The following BRAF variants were observed in gnomAD, a reference collection of about 807,000 sequenced individuals.
BRAF encodes the protein serine/threonine-protein kinase B-raf.
In BRAF, 16 loss-of-function variants were observed where a neutral mutation model predicts 104.6. The ratio of observed to expected loss-of-function variants is 0.15; its 90% CI spans 0.10 to 0.23. BRAF has a LOEUF of 0.23. Among genes scored for constraint, BRAF ranks in the 10% least tolerant of loss-of-function variants. The pLI is 1.00. For missense variants in BRAF, 541 were observed against 937.3 expected (o/e 0.58, Z 5.52); for synonymous variants, 310 against 341.6 (o/e 0.91, Z 1.02).
At chr7:140,791,444 A>C (rs1050399459) in intron 8 of BRAF, among the ~76,000 whole-genome samples, 6 of 152,158 alleles carry the variant, frequency 3.9e-5, no homozygotes, top group Non-Finnish European at 7.4e-5. Context: ...GGCTAGACTT[A>C]GGAAGAGCCA....
chr7:140,791,009 G>A (rs1276728088), intron 8 of BRAF, among the ~76,000 whole-genome samples: 1 of 152,154 alleles, frequency 6.6e-6, no homozygotes, highest in African/African-American at 2.4e-5. Context: ...GCTGAGGCAG[G>A]AGAATTGCTT....
At chr7:140,738,132 T>TA (rs1216103102) in intron 18 of BRAF, among the ~76,000 whole-genome samples, 2 of 151,982 alleles carry the variant, frequency 1.3e-5, no homozygotes, top group East Asian at 3.9e-4. Flanking sequence ...GAGAAACAAA[T>TA]AAAAAAATAA....
chr7:140,849,930 T>C (rs1808978489), intron 2 of BRAF, among the ~76,000 whole-genome samples, 181 bp downstream of exon 2: 1 of 152,114 alleles, frequency 6.6e-6, no homozygotes, highest in African/African-American at 2.4e-5. Flanking sequence ...AAATACATGT[T>C]TATTTTAACA....
chr7:140,715,537 A>G (rs145105615), downstream of BRAF, among the ~76,000 whole-genome samples: 12 of 152,310 alleles, frequency 7.9e-5, no homozygotes, highest in East Asian at 2.3e-3. Flanking sequence ...CATTAGCCCC[A>G]TTCCTTAGAA....
intron 14 of BRAF, among the ~76,000 whole-genome samples, chr7:140,774,119 G>C (rs958985050): frequency 1.1e-4 from 17 of 152,144 alleles, no homozygotes; most frequent in African/African-American, 4.1e-4. Flanking sequence ...AAAGAGAAAA[G>C]AAACTATATC....
chr7:140,893,661 G>A (rs1034253126), intron 1 of BRAF, among the ~76,000 whole-genome samples: 2 of 152,010 alleles, frequency 1.3e-5, no homozygotes, highest in Non-Finnish European at 2.9e-5. Context: ...GAGGAGAAAC[G>A]TTAACAACCC....
At chr7:140,804,751 G>A (rs971844905) in intron 5 of BRAF, among the ~76,000 whole-genome samples, 2 of 152,000 alleles carry the variant, frequency 1.3e-5, no homozygotes, top group Non-Finnish European at 1.5e-5. Context: ...TCTGCTACAT[G>A]TAAATTTTTT....
rs1279172371 is a variant in BRAF at position 140,819,842 on chromosome 7, C to T, written c.505-10847G>A. Among the ~76,000 whole-genome samples, 6 of 152,114 alleles carry T rather than the reference C, an allele frequency of 3.9e-5. No individual in the cohort carries two copies. The South Asian group carries it at 1.2e-3, about 32-fold the overall frequency. On this transcript the variant is annotated intron_variant, in intron 3 of 19. Transcript: ENST00000644969. ...TAGGGATGGGAGGAATGGGAAGTGACTGCTAACGGGTACAGTGTTTATTTT... is the reference window on the plus strand; with the variant it reads ...TAGGGATGGGAGGAATGGGAAGTGATTGCTAACGGGTACAGTGTTTATTTT...
intron 3 of BRAF, among the ~76,000 whole-genome samples, chr7:140,822,828 G>C (rs550358561): frequency 1.3e-5 from 2 of 152,264 alleles, no homozygotes; most frequent in African/African-American, 4.8e-5. Context: ...GTGTACATCT[G>C]ACTTTTTGTG....
rs1450528998 is a variant in BRAF, at chr7:140,721,702, G to C, written c.*4792C>G. On this transcript the variant is annotated 3_prime_UTR_variant, in exon 20 of 20. Transcript: ENST00000644969. ...ATCCATCCCAGTATAACATTTCAAG[G>C]ATGTGCTGGAGACAATACATGGACT... 1 of 1,531,950 alleles carries C rather than the reference G, an allele frequency of 6.5e-7. No individual in the cohort carries two copies. Among genetic ancestry groups the C allele is most frequent in the South Asian group, 1.2e-5 (1 of 83,310 alleles). The allele number at this position is 1,531,950 out of a possible 1,614,324, so 94.9% of individuals were successfully genotyped here.
intron 2 of BRAF, among the ~76,000 whole-genome samples, chr7:140,839,659 G>A (rs1424593823): frequency 6.6e-6 from 1 of 152,112 alleles, no homozygotes. Flanking sequence ...GAGCCCAGGA[G>A]GTAGAGGCTG....
intron 1 of BRAF, among the ~76,000 whole-genome samples, chr7:140,878,608 A>G (rs1812524875): frequency 6.6e-6 from 1 of 152,230 alleles, no homozygotes; most frequent in South Asian, 2.1e-4. Context: ...GGAGGGAGAA[A>G]GGGATAAAGG....
In BRAF at chr7:140,825,825, C is replaced by T. The variant is rs561314984; in HGVS notation, c.504+8784G>A. On this transcript the variant is annotated intron_variant, in intron 3 of 19. Coordinates refer to ENST00000644969, the MANE Select transcript of BRAF (RefSeq NM_001374258.1). ...TTAATTATTTTCTATATAATTTTTT[C>T]CCTGAGTGCTTTTAAAACAATATTC... 4.6e-5 allele frequency among the ~76,000 whole-genome samples: 7 copies of T among 152,192 alleles called. No individual in the cohort carries two copies. In the South Asian group the frequency reaches 1.5e-3, roughly 32 times the overall value.
intron 14 of BRAF, among the ~76,000 whole-genome samples, chr7:140,764,079 C>T (rs1799062128): frequency 6.6e-6 from 1 of 152,194 alleles, no homozygotes; most frequent in Non-Finnish European, 1.5e-5. Context: ...TCCAGCAGCA[C>T]ATCAAAAAGC....
chr7:140,837,857 T>C (rs17161737), intron 2 of BRAF, among the ~76,000 whole-genome samples: 14,841 of 152,234 alleles, frequency 0.097, 793 homozygotes, highest in South Asian at 0.19. Context: ...ATGAAAAGTT[T>C]ACTCTACTTC....
At chr7:140,868,840 C>A (rs1811252889) in intron 1 of BRAF, among the ~76,000 whole-genome samples, 1 of 152,082 alleles carries the variant, frequency 6.6e-6, no homozygotes, top group African/African-American at 2.4e-5. Context: ...GCCAAGAAAC[C>A]AGATGGGAAA....
chr7:140,745,358 C>T (rs1797266290), intron 17 of BRAF, among the ~76,000 whole-genome samples: 1 of 152,076 alleles, frequency 6.6e-6, no homozygotes, highest in Admixed American at 6.6e-5. Context: ...TCAAAGACAA[C>T]TCTCATGTTT....
chr7:140,740,260 C>T (rs1172138902), intron 17 of BRAF: 2 of 242,220 alleles, frequency 8.3e-6, no homozygotes, highest in Non-Finnish European at 1.6e-5. Context: ...CTGACAGTGC[C>T]TCTTCTTTAC....
At chr7:140,744,731 A>G (rs186542779) in intron 17 of BRAF, among the ~76,000 whole-genome samples, 1 of 152,334 alleles carries the variant, frequency 6.6e-6, no homozygotes. Flanking sequence ...AGATACATAC[A>G]TTAATTGAAG....
Sources: allele counts gnomAD v4.1 joint callset (sites outside exome capture counted in the v4.1 genomes callset), GRCh38; gene constraint gnomAD v4.1.1; transcripts MANE v1.5; gene names NCBI Gene and HGNC (gene_info 2026-07-23, HGNC 2026-07-21).